The following WWC2 variants were observed in gnomAD, a reference collection of about 807,000 sequenced individuals.
WWC2 encodes protein WWC2.
A neutral mutation model predicts 138.5 loss-of-function variants in WWC2; 101 were observed. The ratio of observed to expected loss-of-function variants is 0.73; its 90% CI spans 0.62 to 0.86. The LOEUF (loss-of-function observed/expected upper bound fraction) is 0.86, where lower values mean the gene tolerates loss of function less well. Among genes scored for constraint, WWC2 ranks in the 40% least tolerant of loss-of-function variants. The pLI is 0.00. For synonymous variants in WWC2, 558 were observed against 538.4 expected, an observed-to-expected ratio of 1.04 and a Z score of -0.50; for missense variants, 1,420 against 1,419.4, an observed-to-expected ratio of 1.00 and a Z score of -0.01.
intron 1 of WWC2, 120 bp from the exon 2 acceptor site, chr4:183,193,479 G>GTTT: frequency 8.8e-6 from 6 of 679,514 alleles, no homozygotes; most frequent in East Asian, 3.4e-5. Flanking sequence ...TTTATCCTTG[G>GTTT]TTTTTTTTTT....
intron 19 of WWC2, 54 bp from the exon 20 acceptor site, chr4:183,285,913 A>G: frequency 6.7e-7 from 1 of 1,495,938 alleles, no homozygotes. Flanking sequence ...CCAAACTTCC[A>G]CTTGCACTCT....
At chr4:183,191,488 A>G (rs1360275073) in intron 1 of WWC2, among the ~76,000 whole-genome samples, 1 of 152,142 alleles carries the variant, frequency 6.6e-6, no homozygotes, top group African/African-American at 2.4e-5. Flanking sequence ...TACATTAGGA[A>G]GCTAGGGCTT....
rs762242510 is a variant in WWC2, at chr4:183,319,603, C to G, written c.*3874C>G. ...CTCGTCTCCAGTTCTTGATGATGATCTTGTGTTTGTGCCACTGCGTAGTGG... is the reference window on the plus strand; with the variant it reads ...CTCGTCTCCAGTTCTTGATGATGATGTTGTGTTTGTGCCACTGCGTAGTGG... On this transcript the variant is annotated 3_prime_UTR_variant, in exon 23 of 23. Coordinates refer to ENST00000403733, the MANE Select transcript of WWC2 (RefSeq NM_024949.6). The G allele has an allele frequency of 1.2e-6, 2 of 1,613,672 alleles. No homozygotes were observed. The highest frequency in any genetic ancestry group is 1.1e-5 in the South Asian group (1 of 91,024).
At chr4:183,273,011 A>T (rs10009550) in intron 16 of WWC2, among the ~76,000 whole-genome samples, 107,999 of 152,012 alleles carry the variant, frequency 0.71, 39,233 homozygotes, top group Middle Eastern at 0.83. Flanking sequence ...GTGTTTAATA[A>T]TTTGAGGAAC....
intron 1 of WWC2, among the ~76,000 whole-genome samples, chr4:183,161,244 AT>A (rs962711882): frequency 6.6e-6 from 1 of 152,204 alleles, no homozygotes; most frequent in African/African-American, 2.4e-5. Context: ...TTAAAAGAAA[AT>A]GTGAAAATCT....
intron 21 of WWC2, among the ~76,000 whole-genome samples, chr4:183,306,991 G>A (rs781453413): frequency 2.6e-5 from 4 of 151,546 alleles, no homozygotes; most frequent in South Asian, 2.1e-4. Context: ...TGAACTCAAC[G>A]GCACTATTAC....
chr4:183,243,579 G>A (rs1473223494), intron 5 of WWC2, among the ~76,000 whole-genome samples: 5 of 152,122 alleles, frequency 3.3e-5, no homozygotes. Context: ...GTAGTCATAA[G>A]AGCCCCAGTT....
At position 183,319,772 on chromosome 4, in the gene WWC2, C is replaced by T; in HGVS notation, c.*4043C>T. ...GGACAAAGTCTGGGACGTTCTCATCCCAGAACTCCTGAACCGTCTTGTGGG... is the reference window on the plus strand; with the variant it reads ...GGACAAAGTCTGGGACGTTCTCATCTCAGAACTCCTGAACCGTCTTGTGGG... On this transcript the variant is annotated 3_prime_UTR_variant, in exon 23 of 23. Transcript: ENST00000403733. The T allele has an allele frequency of 1.2e-6, 2 of 1,614,056 alleles. No individual in the cohort carries two copies. Among genetic ancestry groups the T allele is most frequent in the African/African-American group, 2.7e-5 (2 of 75,022 alleles).
chr4:183,245,616 G>A, intron 6 of WWC2, 71 bp downstream of exon 6: 1 of 1,448,594 alleles, frequency 6.9e-7, no homozygotes, highest in South Asian at 1.4e-5. Context: ...TACTGGGGCA[G>A]AAGTGCTCCC....
intron 21 of WWC2, among the ~76,000 whole-genome samples, chr4:183,301,694 AT>A (rs1560894938): frequency 6.6e-6 from 1 of 152,238 alleles, no homozygotes; most frequent in Non-Finnish European, 1.5e-5. Context: ...AGTTTAGGAT[AT>A]TTTTGCTTTG....
chr4:183,157,422 G>T (rs1733836381), intron 1 of WWC2, among the ~76,000 whole-genome samples: 1 of 152,170 alleles, frequency 6.6e-6, no homozygotes, highest in Non-Finnish European at 1.5e-5. Flanking sequence ...CAGGTTTCTG[G>T]CAGTGTCCTC....
At chr4:183,278,897 CTAGA>C (rs1428679721) in intron 16 of WWC2, among the ~76,000 whole-genome samples, 4 of 151,124 alleles carry the variant, frequency 2.6e-5, no homozygotes, top group Non-Finnish European at 5.9e-5. Flanking sequence ...GTGGGGTTTT[CTAGA>C]TATACAATCA....
intron 21 of WWC2, among the ~76,000 whole-genome samples, chr4:183,306,567 G>T (rs904016736): frequency 7.9e-5 from 12 of 152,066 alleles, no homozygotes; most frequent in African/African-American, 2.9e-4. Flanking sequence ...CCAAGAAGGG[G>T]TAACAATTTT....
intron 1 of WWC2, among the ~76,000 whole-genome samples, chr4:183,181,432 G>A (rs185158783): frequency 1.4e-3 from 208 of 152,238 alleles, no homozygotes; most frequent in African/African-American, 4.8e-3. Context: ...TGATATCTAC[G>A]GTAGATTGAG....
At chr4:183,283,999 C>T (rs1214048487) in intron 18 of WWC2, among the ~76,000 whole-genome samples, 1 of 152,156 alleles carries the variant, frequency 6.6e-6, no homozygotes, top group East Asian at 1.9e-4. Flanking sequence ...GCAGAACTTC[C>T]TAAGAACTTA....
At chr4:183,310,361 T>C (rs77578416) in intron 21 of WWC2, among the ~76,000 whole-genome samples, 1 of 152,312 alleles carries the variant, frequency 6.6e-6, no homozygotes, top group African/African-American at 2.4e-5. Context: ...CTAAAACTGC[T>C]CTAATAAATA....
At chr4:183,206,451 A>ATT (rs1348352974) in intron 2 of WWC2, among the ~76,000 whole-genome samples, 9 of 152,192 alleles carry the variant, frequency 5.9e-5, no homozygotes, top group African/African-American at 1.7e-4. Context: ...TTAAGTCACA[A>ATT]TACCATAGTT....
chr4:183,152,685 C>G (rs1252252857), intron 1 of WWC2, among the ~76,000 whole-genome samples: 1 of 151,932 alleles, frequency 6.6e-6, no homozygotes, highest in African/African-American at 2.4e-5. Context: ...AAGTTCAAGA[C>G]CAGCCTGGCC....
intron 1 of WWC2, among the ~76,000 whole-genome samples, chr4:183,183,883 G>C (rs1734716517): frequency 6.6e-6 from 1 of 151,936 alleles, no homozygotes; most frequent in African/African-American, 2.4e-5. Flanking sequence ...TATTAGTGAT[G>C]TTTAACATTT....
Sources: gnomAD v4.1 joint callset for allele counts (sites outside exome capture counted in the v4.1 genomes callset) on GRCh38, gnomAD v4.1.1 for gene constraint, MANE v1.5 for transcripts, NCBI Gene and HGNC (gene_info 2026-07-23, HGNC 2026-07-21) for gene names.